Variants in SETD7 observed in about 807,000 individuals in gnomAD.
The protein encoded by SETD7 is histone-lysine N-methyltransferase SETD7.
SETD7 carries 16 observed loss-of-function variants against 41.8 expected under a neutral mutation model. That is an observed-to-expected ratio of 0.38 (90% CI 0.26 to 0.58). The LOEUF is 0.58. Ranked by LOEUF, SETD7 falls within the 20% of genes least tolerant of loss-of-function variation. The pLI, the probability that SETD7 is intolerant of heterozygous loss-of-function variation, is 0.64. For synonymous variants in SETD7, 163 were observed against 169.7 expected, an observed-to-expected ratio of 0.96 and a Z score of 0.31; for missense variants, 346 against 459.7, an observed-to-expected ratio of 0.75 and a Z score of 2.26.
At chr4:139,503,134 C>T (rs981773854), downstream of SETD7, among the ~76,000 whole-genome samples, 1 of 136,820 alleles carries the variant, frequency 7.3e-6, no homozygotes, top group Non-Finnish European at 1.5e-5. Context: ...GCTGAGATTG[C>T]GCCACTGCAC....
chr4:139,522,272 C>A (rs765684865), intron 5 of SETD7, among the ~76,000 whole-genome samples: 1 of 152,106 alleles, frequency 6.6e-6, no homozygotes, highest in African/African-American at 2.4e-5. Flanking sequence ...GCCATGCTTA[C>A]AAAACACGAG....
intron 7 of SETD7, among the ~76,000 whole-genome samples, chr4:139,517,098 C>T (rs1727045755): frequency 2.0e-5 from 3 of 152,182 alleles, no homozygotes; most frequent in Admixed American, 2.0e-4. Flanking sequence ...ATAATAGGGA[C>T]TCTGATTTTA....
intron 3 of SETD7, among the ~76,000 whole-genome samples, chr4:139,532,257 A>C (rs973886546): frequency 3.9e-5 from 6 of 152,104 alleles, no homozygotes; most frequent in Admixed American, 2.0e-4. Context: ...GGTTTTAGAG[A>C]AACCCTGTCT....
At chr4:139,513,890 A>G (rs115778195) in intron 7 of SETD7, among the ~76,000 whole-genome samples, 4,197 of 152,370 alleles carry the variant, frequency 0.028, 66 homozygotes, top group Middle Eastern at 0.054. Flanking sequence ...TGTGAACACA[A>G]AAGTGAACAG....
rs147917075 is a variant in SETD7 at position 139,522,190 on chromosome 4, G to C, written c.644+1164C>G. Among the ~76,000 whole-genome samples the C allele has an allele frequency of 7.5e-3, 1,146 of 152,288 alleles. 6 individuals carry two copies. Among genetic ancestry groups the C allele is most frequent in the Non-Finnish European group, 0.012 (815 of 68,026 alleles). ...TCCATTCATCATTGTGACATTGTGGGGTCAGCCCTGTCAGTTGAATGGAGG... is the reference window on the plus strand; with the variant it reads ...TCCATTCATCATTGTGACATTGTGGCGTCAGCCCTGTCAGTTGAATGGAGG... On this transcript the variant is annotated intron_variant, in intron 5 of 7. Transcript: ENST00000274031.
At chr4:139,537,435 T>C (rs1044148922) in intron 2 of SETD7, among the ~76,000 whole-genome samples, 2 of 152,212 alleles carry the variant, frequency 1.3e-5, no homozygotes, top group Non-Finnish European at 2.9e-5. Context: ...TGCTGGTCAC[T>C]GTGTTAAACA....
At chr4:139,501,122 CA>C (rs1162046776), downstream of SETD7, among the ~76,000 whole-genome samples, 1 of 152,184 alleles carries the variant, frequency 6.6e-6, no homozygotes, top group Admixed American at 6.5e-5. Flanking sequence ...TGTCCCATAC[CA>C]CTTACCCAGG....
intron 2 of SETD7, among the ~76,000 whole-genome samples, chr4:139,543,304 T>C (rs1014145592): frequency 2.0e-5 from 3 of 152,214 alleles, no homozygotes; most frequent in African/African-American, 7.2e-5. Context: ...TAGAAACAAC[T>C]GACTTATCCA....
intron 5 of SETD7, among the ~76,000 whole-genome samples, chr4:139,521,384 C>A (rs555194233): frequency 1.8e-4 from 28 of 151,412 alleles, no homozygotes; most frequent in African/African-American, 6.6e-4. Context: ...TGAAATTGCA[C>A]CATTGCACTC....
chr4:139,527,935 T>C (rs906988439), intron 4 of SETD7, among the ~76,000 whole-genome samples: 1 of 152,236 alleles, frequency 6.6e-6, no homozygotes, highest in South Asian at 2.1e-4. Context: ...AAATTTCCAC[T>C]TTTGGACAAG....
chr4:139,496,780 T>C (rs1726464097), intron 7 of SETD7, among the ~76,000 whole-genome samples: 1 of 152,206 alleles, frequency 6.6e-6, no homozygotes, highest in Admixed American at 6.5e-5. Flanking sequence ...AAATAGCTAT[T>C]GACTGCTCAG....
At chr4:139,513,922 C>T (rs553941744) in intron 7 of SETD7, among the ~76,000 whole-genome samples, 199 of 152,346 alleles carry the variant, frequency 1.3e-3, no homozygotes, top group African/African-American at 4.5e-3. Flanking sequence ...TACTCCACCA[C>T]AAAGAGATGC....
Position 139,509,963 on chromosome 4 carries a change from G to T in SETD7, c.*1700C>A. 1 of 879,822 alleles carries T rather than the reference G, an allele frequency of 1.1e-6. No homozygotes were observed. The highest frequency in any genetic ancestry group is 1.4e-6 in the Non-Finnish European group (1 of 733,624). 54.5% of individuals were successfully genotyped at this position (879,822 alleles called of 1,614,324 possible). ...GCAACCGGGTGCTCTAGGAAGCCTG[G>T]TGTTGCAAAGAAGGGAAGGGCAACT... On this transcript the variant is annotated 3_prime_UTR_variant, in exon 8 of 8. Coordinates refer to ENST00000274031, the MANE Select transcript of SETD7 (RefSeq NM_030648.4).
chr4:139,495,024 CAGTA>C (rs967444478), downstream of SETD7, among the ~76,000 whole-genome samples: 5 of 152,300 alleles, frequency 3.3e-5, no homozygotes, highest in African/African-American at 1.2e-4. Flanking sequence ...AGATTTTAAG[CAGTA>C]AGTATTTAAA....
chr4:139,553,633 A>C (rs888231005), intron 1 of SETD7, among the ~76,000 whole-genome samples: 12 of 152,338 alleles, frequency 7.9e-5, no homozygotes, highest in Non-Finnish European at 1.5e-4. Context: ...AAATTAGGAT[A>C]ATATTAGTAC....
intron 1 of SETD7, among the ~76,000 whole-genome samples, chr4:139,550,546 C>G (rs1728080727): frequency 6.6e-6 from 1 of 152,164 alleles, no homozygotes. Context: ...ATGTCTAAAA[C>G]AGCAGCCACA....
At chr4:139,497,068 C>T (rs1244840625) in intron 7 of SETD7, among the ~76,000 whole-genome samples, 2 of 152,192 alleles carry the variant, frequency 1.3e-5, no homozygotes, top group South Asian at 2.1e-4. Context: ...CACAGAAATG[C>T]TTCTGTTTGT....
intron 7 of SETD7, 103 bp downstream of exon 7, chr4:139,517,782 T>C (rs1342703646): frequency 7.9e-7 from 1 of 1,271,748 alleles, no homozygotes. Flanking sequence ...GTCATTCAGA[T>C]GAAGCAGCCT....
At position 139,555,986 on chromosome 4, in the gene SETD7, A is replaced by T; in HGVS notation, c.40+112T>A. 1 of 1,083,964 alleles carries T rather than the reference A, an allele frequency of 9.2e-7. No homozygotes were observed. Among genetic ancestry groups the T allele is most frequent in the Non-Finnish European group, 1.3e-6 (1 of 791,022 alleles). 67.1% of individuals were successfully genotyped at this position (1,083,964 alleles called of 1,614,324 possible). On this transcript the variant is annotated intron_variant, in intron 1 of 7. Transcript: ENST00000274031. This position sits in a 1 kb window ranked among gnomAD's most constrained non-coding sequence, Gnocchi z 4.0. ...GAGCCGGGCAACCGGCCACCCGTGT[A>T]GGGGACAGTGGCGGCCGCGGGGCCC...
Sources: gnomAD v4.1 joint callset for allele counts (sites outside exome capture counted in the v4.1 genomes callset) on GRCh38, gnomAD v4.1.1 for gene constraint, Gnocchi (gnomAD v3.1) non-coding constraint, MANE v1.5 for transcripts, NCBI Gene and HGNC (gene_info 2026-07-23, HGNC 2026-07-21) for gene names.